The following NOL4L variants were observed in gnomAD, a reference collection of about 807,000 sequenced individuals.
The protein encoded by NOL4L is nucleolar protein 4 like.
A neutral mutation model predicts 64.5 loss-of-function variants in NOL4L; 7 were observed. The ratio of observed to expected loss-of-function variants is 0.11; its 90% CI spans 0.06 to 0.20. NOL4L has a LOEUF of 0.20. Ranked by LOEUF, NOL4L falls within the 10% of genes least tolerant of loss-of-function variation. The probability of loss-of-function intolerance (pLI) is 1.00; values close to 1 mark genes in which losing one functional copy is unlikely to be tolerated. For synonymous variants in NOL4L, 413 were observed against 401.0 expected (o/e 1.03, Z -0.36); for missense variants, 680 against 967.1 (o/e 0.70, Z 3.94).
chr20:32,445,301 G>A lies in NOL4L; in HGVS notation c.*2295C>T, dbSNP rs1372567804. 1 of 152,182 alleles carries A rather than the reference G, an allele frequency of 6.6e-6. No individual in the cohort carries two copies. 9.4% of individuals were successfully genotyped at this position (152,182 alleles called of 1,614,324 possible). On this transcript the variant is annotated 3_prime_UTR_variant, in exon 11 of 11. Transcript: ENST00000621426. ...GATCTTTAGATCTAATCCTTGTGTG[G>A]GTAGGGGGAGGGAGCCCCTTCCCCA...
rs1254271984 is a variant in NOL4L, at chr20:32,452,877, C to A, written c.1620+7G>T. The A allele has an allele frequency of 1.2e-6, 2 of 1,613,532 alleles. No homozygotes were observed. Among genetic ancestry groups the A allele is most frequent in the Non-Finnish European group, 1.7e-6 (2 of 1,179,872 alleles). ...GCGGCCCCTGTAGTGGCTGCGGTGGCAGGTACCTGTGAGGACTGGTAGATC... is the reference window on the plus strand; with the variant it reads ...GCGGCCCCTGTAGTGGCTGCGGTGGAAGGTACCTGTGAGGACTGGTAGATC... On this transcript the variant is annotated splice_region_variant and intron_variant, in intron 9 of 10. Transcript: ENST00000621426.
At chr20:32,465,481 GGGGAAGCGCTCCCA>G (rs2014464703) in intron 5 of NOL4L, among the ~76,000 whole-genome samples, 1 of 152,238 alleles carries the variant, frequency 6.6e-6, no homozygotes, top group Non-Finnish European at 1.5e-5. Flanking sequence ...CTGATGCCCC[GGGGAAGCGCTCCCA>G]GGATGAACTG....
At chr20:32,507,402 A>C (rs1457523597) in intron 4 of NOL4L, among the ~76,000 whole-genome samples, 3 of 152,172 alleles carry the variant, frequency 2.0e-5, no homozygotes, top group Non-Finnish European at 4.4e-5. Flanking sequence ...GGTGCACTGA[A>C]CCAGACTTCA....
intron 2 of NOL4L, among the ~76,000 whole-genome samples, chr20:32,524,732 G>A (rs1393851722): frequency 6.6e-6 from 1 of 152,218 alleles, no homozygotes; most frequent in Admixed American, 6.5e-5. Flanking sequence ...GGCATGGATG[G>A]GTGGGGGCCT....
rs1600604586 is a variant in NOL4L at position 32,445,467 on chromosome 20, T to TAAGA, written c.*2125_*2128dup. 1 of 134,844 alleles carries TAAGA rather than the reference T, an allele frequency of 7.4e-6. No individual in the cohort carries two copies. The highest frequency in any genetic ancestry group is 1.9e-4 in the East Asian group (1 of 5,200). The allele number at this position is 134,844 out of a possible 1,614,324, so 8.4% of individuals were successfully genotyped here. The stretch of plus-strand genomic sequence containing the variant: ...GATTGTCTCTGCCAGGTTTTAACAT[T>TAAGA]AAGATTTTCACAAATAATTGCCTGG... On this transcript the variant is annotated 3_prime_UTR_variant, in exon 11 of 11. Transcript: ENST00000621426.
chr20:32,481,499 G>T lies in NOL4L; in HGVS notation c.700-6757C>A, dbSNP rs542756606. On this transcript the variant is annotated intron_variant, in intron 4 of 10. Transcript: ENST00000621426. ...TCCACAGAGCCCCAGGGTAGGGGCC[G>T]CAGGAAAAGTTCCCCAAAGGCGTCT... 2.6e-5 allele frequency among the ~76,000 whole-genome samples: 4 copies of T among 152,246 alleles called. No individual in the cohort carries two copies. The South Asian group carries it at 8.3e-4, about 32-fold the overall frequency.
At chr20:32,473,483 C>A (rs940175602) in intron 5 of NOL4L, among the ~76,000 whole-genome samples, 1 of 152,188 alleles carries the variant, frequency 6.6e-6, no homozygotes. Context: ...TCTTTGCCGG[C>A]AGCCACGCAC....
At chr20:32,459,078 G>C (rs1275644855) in intron 5 of NOL4L, among the ~76,000 whole-genome samples, 2 of 152,230 alleles carry the variant, frequency 1.3e-5, no homozygotes, top group Non-Finnish European at 2.9e-5. Flanking sequence ...ACTGCACTCA[G>C]ATGCCACCCT....
intron 2 of NOL4L, among the ~76,000 whole-genome samples, chr20:32,526,602 G>A (rs1482029776): frequency 6.6e-6 from 1 of 152,130 alleles, no homozygotes; most frequent in East Asian, 1.9e-4. Context: ...CTTGGGGTGG[G>A]AAGTTTCACA....
At chr20:32,581,740 C>T (rs551124042) in intron 1 of NOL4L, among the ~76,000 whole-genome samples, 1 of 152,184 alleles carries the variant, frequency 6.6e-6, no homozygotes, top group Non-Finnish European at 1.5e-5. Context: ...CACAGCCCCA[C>T]CCACCCGAGC....
chr20:32,503,540 C>T (rs909419585), intron 4 of NOL4L, among the ~76,000 whole-genome samples: 2 of 152,178 alleles, frequency 1.3e-5, no homozygotes, highest in African/African-American at 4.8e-5. Flanking sequence ...GACCCCATAT[C>T]CTCACAAATG....
intron 5 of NOL4L, among the ~76,000 whole-genome samples, chr20:32,461,806 C>T (rs1375905163): frequency 6.6e-6 from 1 of 150,830 alleles, no homozygotes; most frequent in African/African-American, 2.4e-5. Flanking sequence ...CCTCTCCTTG[C>T]AATACTACTG....
At position 32,453,806 on chromosome 20, in the gene NOL4L, C is replaced by T. The variant is rs1165133532; in HGVS notation, c.1120-45G>A. 2.0e-6 allele frequency: 3 copies of T among 1,535,718 alleles called. No individual in the cohort carries two copies. In the Admixed American group the frequency reaches 5.9e-5, roughly 30 times the overall value. On this transcript the variant is annotated intron_variant, in intron 6 of 10. Coordinates refer to ENST00000621426, the MANE Select transcript of NOL4L (RefSeq NM_001256798.2). The surrounding 1 kb of genome is among the most constrained non-coding windows in gnomAD (Gnocchi z 5.6). ...CAGAGGGTTGGGCCAAGCAGCTGCT[C>T]AAGCCCTTGCTGGGTCTCCTACAGG...
intron 4 of NOL4L, among the ~76,000 whole-genome samples, chr20:32,498,073 C>T (rs2016768536): frequency 6.6e-6 from 1 of 152,184 alleles, no homozygotes; most frequent in Non-Finnish European, 1.5e-5. Flanking sequence ...GGTCTGCAGC[C>T]CGGAAGGGGC....
intron 2 of NOL4L, among the ~76,000 whole-genome samples, chr20:32,527,024 G>T (rs563214956): frequency 6.6e-6 from 1 of 152,254 alleles, no homozygotes; most frequent in Non-Finnish European, 1.5e-5. Context: ...CCTGCCCCTA[G>T]GTTGCCTTTT....
intron 10 of NOL4L, among the ~76,000 whole-genome samples, chr20:32,450,764 C>G (rs1299064218): frequency 5.3e-5 from 8 of 152,170 alleles, no homozygotes; most frequent in Non-Finnish European, 2.9e-5. Context: ...CTGCTGAGCC[C>G]CAGACCCCCA....
rs768839278 is a variant in NOL4L at position 32,456,201 on chromosome 20, C to T, written c.1036G>A (p.Gly346Ser). ...CCATCCGAGGGGTAGGAGGCTGTGC[C>T]AAGTGCCGTGGCCGGCGGGAGCTTG... ...CDKLPPATAL[G>S]TASYPSDGCG... The change falls in exon 6 of 11, where the codon GGC becomes AGC. Residue 346 changes from glycine to serine, a missense_variant. Transcript: ENST00000621426. 2.5e-6 allele frequency: 4 copies of T among 1,607,098 alleles called. No individual in the cohort carries two copies. In the South Asian group the frequency reaches 4.5e-5, roughly 18 times the overall value.
intron 3 of NOL4L, among the ~76,000 whole-genome samples, chr20:32,512,303 C>A (rs928253166): frequency 1.3e-5 from 2 of 152,138 alleles, no homozygotes; most frequent in African/African-American, 4.8e-5. Context: ...CAACCACTGT[C>A]TAAGTCAGTT....
intron 4 of NOL4L, among the ~76,000 whole-genome samples, chr20:32,500,524 T>C (rs935354500): frequency 1.8e-4 from 25 of 137,802 alleles, no homozygotes; most frequent in Non-Finnish European, 3.1e-4. Flanking sequence ...CAGCTAATTT[T>C]TTTGTATTTC....
Sources: gnomAD v4.1 joint callset for allele counts (sites outside exome capture counted in the v4.1 genomes callset) on GRCh38, gnomAD v4.1.1 for gene constraint, Gnocchi (gnomAD v3.1) non-coding constraint, MANE v1.5 for transcripts, NCBI Gene and HGNC (gene_info 2026-07-23, HGNC 2026-07-21) for gene names.